The following ANKRD17 variants were observed in gnomAD, a reference collection of about 807,000 sequenced individuals.
The protein encoded by ANKRD17 is ankyrin repeat domain 17.
A neutral mutation model predicts 229.7 loss-of-function variants in ANKRD17; 19 were observed. The observed-to-expected ratio is 0.08, with a 90% confidence interval of 0.06 to 0.12. The LOEUF (loss-of-function observed/expected upper bound fraction) is 0.12, where lower values mean the gene tolerates loss of function less well. Among genes scored for constraint, ANKRD17 ranks in the 10% least tolerant of loss-of-function variants. The probability of loss-of-function intolerance (pLI) is 1.00; values close to 1 mark genes in which losing one functional copy is unlikely to be tolerated. For missense variants in ANKRD17, 2,176 were observed against 3,176.8 expected (o/e 0.68, Z 7.57); for synonymous variants, 1,112 against 1,146.1 (o/e 0.97, Z 0.60).
intron 28 of ANKRD17, 126 bp from the exon 29 acceptor site, chr4:73,092,426 A>G (rs1310630712): frequency 2.7e-6 from 2 of 739,378 alleles, no homozygotes; most frequent in Admixed American, 6.1e-5. Context: ...ACACACATAC[A>G]AACAAAGGAC....
intron 1 of ANKRD17, among the ~76,000 whole-genome samples, chr4:73,193,885 T>C (rs562489522): frequency 3.9e-5 from 6 of 152,248 alleles, no homozygotes; most frequent in South Asian, 2.1e-4. Flanking sequence ...TGACCCATGA[T>C]TGCGACACTG....
In ANKRD17 at chr4:73,098,470, T is replaced by C. The variant is rs755771827; in HGVS notation, c.4624A>G (p.Ile1542Val). ...EPPSATTTTTIGISATWTTLA... is the reference protein window; with the variant it reads ...EPPSATTTTTVGISATWTTLA... The stretch of plus-strand genomic sequence containing the variant: ...GTTGTCCAGGTTGCAGATATACCTA[T>C]GGTAGTAGTGGTTGTGGCACTTGGA... The change falls in exon 26 of 34, where the codon ATA becomes GTA. Residue 1542 changes from isoleucine (I) to valine (V), a missense_variant. Ile to Val is a conservative substitution (Grantham distance 29, BLOSUM62 3). Coordinates refer to ENST00000358602, the MANE Select transcript of ANKRD17 (RefSeq NM_032217.5). 3.1e-6 allele frequency: 5 copies of C among 1,613,962 alleles called. No individual in the cohort carries two copies. Among genetic ancestry groups the C allele is most frequent in the Non-Finnish European group, 8.5e-7 (1 of 1,180,006 alleles).
At chr4:73,210,323 A>G (rs1216078383) in intron 1 of ANKRD17, among the ~76,000 whole-genome samples, 1 of 152,212 alleles carries the variant, frequency 6.6e-6, no homozygotes, top group Non-Finnish European at 1.5e-5. Flanking sequence ...AAAAAGAATT[A>G]GCAGTTACAA....
chr4:73,147,089 G>A (rs1730379964), intron 9 of ANKRD17, 152 bp downstream of exon 9: 7 of 831,956 alleles, frequency 8.4e-6, no homozygotes, highest in Non-Finnish European at 1.3e-5. Flanking sequence ...CAGCAGTAAG[G>A]TAAACTGTTC....
At chr4:73,104,072 T>C (rs948636595) in intron 24 of ANKRD17, 2 of 152,148 alleles carry the variant, frequency 1.3e-5, no homozygotes, top group African/African-American at 4.8e-5. Context: ...GTAGGTAGAA[T>C]ACCCATACTT....
intron 25 of ANKRD17, among the ~76,000 whole-genome samples, chr4:73,100,209 C>G (rs1302529037): frequency 2.0e-5 from 3 of 152,180 alleles, no homozygotes; most frequent in Non-Finnish European, 4.4e-5. Flanking sequence ...GGCCACGATC[C>G]CCTCCCCTAA....
intron 1 of ANKRD17, among the ~76,000 whole-genome samples, chr4:73,213,802 T>C (rs1360913157): frequency 6.6e-6 from 1 of 152,152 alleles, no homozygotes; most frequent in Non-Finnish European, 1.5e-5. Context: ...TAGAGGAAGA[T>C]CTACATTATC....
Position 73,078,850 on chromosome 4 carries a change from T to C in ANKRD17, c.7200A>G (p.Pro2400=). ...ACGGTACTGATGATGGGGCAGGAGA[T>C]GGTGCACGAACTCCCGAGGATACTG... ...AQSVSSGVRA[P]SPAPSSVPLG... The change falls in exon 31 of 34, where the codon CCA becomes CCG. Residue 2400 remains proline (P), a synonymous_variant. Transcript: ENST00000358602. The C allele has an allele frequency of 1.2e-6, 2 of 1,614,152 alleles. No homozygotes were observed. The highest frequency in any genetic ancestry group is 1.7e-6 in the Non-Finnish European group (2 of 1,180,016).
intron 24 of ANKRD17, chr4:73,112,811 G>C: frequency 1.7e-6 from 1 of 597,130 alleles, no homozygotes; most frequent in Non-Finnish European, 2.1e-6. Flanking sequence ...TTTTTGAGAC[G>C]GAGTCTCACT....
chr4:73,134,834 A>C (rs1728687559), intron 16 of ANKRD17, among the ~76,000 whole-genome samples: 1 of 152,158 alleles, frequency 6.6e-6, no homozygotes, highest in South Asian at 2.1e-4. Flanking sequence ...GAAGTTATGC[A>C]CTAATCTTAA....
chr4:73,080,304 T>G (rs1364112931), intron 30 of ANKRD17, among the ~76,000 whole-genome samples: 1 of 151,212 alleles, frequency 6.6e-6, no homozygotes, highest in Non-Finnish European at 1.5e-5. Flanking sequence ...ATAAAAGCAC[T>G]CCAGAAAAAA....
chr4:73,125,690 G>A (rs1475605858), intron 16 of ANKRD17, among the ~76,000 whole-genome samples: 1 of 143,418 alleles, frequency 7.0e-6, no homozygotes, highest in Non-Finnish European at 1.5e-5. Flanking sequence ...CCAAGATCAC[G>A]CCACTGCACT....
Position 73,203,444 on chromosome 4 carries a change from A to T in ANKRD17, c.394-25911T>A, listed in dbSNP as rs188988048. On this transcript the variant is annotated intron_variant, in intron 1 of 33. Transcript: ENST00000358602. ...ACTGGAATTCCAGAAAGAGAGAAGG[A>T]GGGTAGAAAAAACATTTAAAGAAAT... 2.3e-3 allele frequency among the ~76,000 whole-genome samples: 355 copies of T among 152,242 alleles called. 3 individuals are homozygous for T. Among genetic ancestry groups the T allele is most frequent in the African/African-American group, 7.9e-3 (329 of 41,548 alleles).
chr4:73,080,055 G>A (rs1278064373), intron 30 of ANKRD17, among the ~76,000 whole-genome samples: 3 of 152,112 alleles, frequency 2.0e-5, no homozygotes, highest in Admixed American at 6.5e-5. Context: ...GCAGTGAGCC[G>A]AGATCGTGTC....
intron 2 of ANKRD17, among the ~76,000 whole-genome samples, chr4:73,173,151 A>G (rs1578269578): frequency 6.6e-6 from 1 of 152,228 alleles, no homozygotes; most frequent in Non-Finnish European, 1.5e-5. Flanking sequence ...AAAAAAGCGC[A>G]AGAGTAGCTA....
rs1340479569 is a variant in ANKRD17, at chr4:73,140,142, G to T, written c.2474C>A (p.Ala825Asp). 6.2e-7 allele frequency: 1 copy of T among 1,613,910 alleles called. No individual in the cohort carries two copies. The highest frequency in any genetic ancestry group is 2.2e-5 in the East Asian group (1 of 44,896). Residue 825 changes from alanine to aspartate, a missense_variant, in exon 15 of 34, where the codon GCC (alanine) becomes GAC (aspartate). Transcript: ENST00000358602. ...LTELEQRIKEAIEKNAQLQSL... is the reference protein window; with the variant it reads ...LTELEQRIKEDIEKNAQLQSL... ...CTGCAGCTGTGCATTCTTTTCTATG[G>T]CTTCTTTTATCCTCTGTTCCAGTTC...
At position 73,231,479 on chromosome 4, in the gene ANKRD17, C is replaced by T. The variant is rs557485871; in HGVS notation, c.393+26797G>A. ...TATTTCCAGCCTAATCTATTCATAA[C>T]AAACCTTGAATGGTTTGCCTGCAAG... is the stretch of plus-strand genomic sequence containing the variant. On this transcript the variant is annotated intron_variant, in intron 1 of 33. Transcript: ENST00000358602. Among the ~76,000 whole-genome samples the T allele has an allele frequency of 7.2e-4, 109 of 152,268 alleles. 1 individual carries two copies. The South Asian group carries it at 0.018, about 25-fold the overall frequency.
chr4:73,095,749 G>T (rs1723227067), intron 27 of ANKRD17, among the ~76,000 whole-genome samples: 1 of 151,640 alleles, frequency 6.6e-6, no homozygotes, highest in South Asian at 2.1e-4. Flanking sequence ...GAATGCAGTG[G>T]TGTGATCATA....
At chr4:73,233,864 G>C (rs1743282495) in intron 1 of ANKRD17, among the ~76,000 whole-genome samples, 2 of 152,174 alleles carry the variant, frequency 1.3e-5, no homozygotes, top group South Asian at 4.1e-4. Flanking sequence ...TTAGTTATTT[G>C]ATTTTCCGTA....
Sources: allele counts gnomAD v4.1 joint callset (sites outside exome capture counted in the v4.1 genomes callset), GRCh38; gene constraint gnomAD v4.1.1; transcripts MANE v1.5; gene names NCBI Gene and HGNC (gene_info 2026-07-23, HGNC 2026-07-21).